Variants in AGBL2 observed in about 807,000 individuals in gnomAD.
The protein encoded by AGBL2 is AGBL carboxypeptidase 2.
A neutral mutation model predicts 103.0 loss-of-function variants in AGBL2; 87 were observed. The observed-to-expected ratio is 0.84, with a 90% CI of 0.71 to 1.01. AGBL2 has a LOEUF of 1.01. AGBL2 is among the 50% of genes least tolerant of loss of function. The pLI is 0.00. For missense variants in AGBL2, 904 were observed against 1,023.5 expected (o/e 0.88, Z 1.59); for synonymous variants, 335 against 356.7 (o/e 0.94, Z 0.69).
rs893542152 is a variant in AGBL2, at chr11:47,711,563, A to T, written c.98-1052T>A. On this transcript the variant is annotated intron_variant, in intron 3 of 18. Coordinates refer to ENST00000525123, the MANE Select transcript of AGBL2 (RefSeq NM_024783.4). ...ATGTCTCTCTCCCCATGAAGAGGGT[A>T]TTGAAACTTCAACAATCTGGAGTGC... Among the ~76,000 whole-genome samples, 10 of 152,288 alleles carry T rather than the reference A, an allele frequency of 6.6e-5. No individual in the cohort carries two copies. The South Asian group carries it at 8.3e-4, about 13-fold the overall frequency.
At position 47,693,627 on chromosome 11, in the gene AGBL2, G is replaced by A. The variant is rs561731380; in HGVS notation, c.695-1371C>T. Reference sequence around the variant, plus strand: ...ATACTGTTTTGATTACTGTATGTTCGTAGTGTTTTGAAATCAAGAAATGTG... The same window carrying A: ...ATACTGTTTTGATTACTGTATGTTCATAGTGTTTTGAAATCAAGAAATGTG... On this transcript the variant is annotated intron_variant, in intron 8 of 18. Coordinates refer to ENST00000525123, the MANE Select transcript of AGBL2 (RefSeq NM_024783.4). Among the ~76,000 whole-genome samples, 23 of 152,242 alleles carry A rather than the reference G, an allele frequency of 1.5e-4. No homozygotes were observed. The South Asian group carries it at 3.3e-3, about 22-fold the overall frequency.
chr11:47,697,736 C>T (rs905235313), intron 8 of AGBL2, among the ~76,000 whole-genome samples: 7 of 148,792 alleles, frequency 4.7e-5, no homozygotes, highest in Admixed American at 1.3e-4. Flanking sequence ...TTAGTAGACA[C>T]GGAGTTTTTC....
chr11:47,672,619 T>C (rs755238324), intron 14 of AGBL2, among the ~76,000 whole-genome samples: 1 of 152,002 alleles, frequency 6.6e-6, no homozygotes, highest in African/African-American at 2.4e-5. Flanking sequence ...CCAGCCGGCA[T>C]TTTGTTTTTG....
chr11:47,663,558 T>G (rs1379616080), intron 17 of AGBL2, among the ~76,000 whole-genome samples: 1 of 110,058 alleles, frequency 9.1e-6, no homozygotes, highest in Non-Finnish European at 2.2e-5. Context: ...TATAGTATTC[T>G]TTTTTTTTTT....
chr11:47,692,404 C>CT (rs11286504), intron 8 of AGBL2, 148 bp from the exon 9 acceptor site: 6,807 of 99,078 alleles, frequency 0.069, 56 homozygotes, highest in African/African-American at 0.094. Flanking sequence ...GACTTTTAAT[C>CT]TTTTTTTTTT....
At chr11:47,704,210 G>A (rs1461395404) in intron 7 of AGBL2, among the ~76,000 whole-genome samples, 1 of 151,910 alleles carries the variant, frequency 6.6e-6, no homozygotes, top group Non-Finnish European at 1.5e-5. Context: ...GGCCGGGCTT[G>A]GTGGCTTATG....
Position 47,704,704 on chromosome 11 carries a change from T to C in AGBL2, c.425A>G (p.His142Arg). The C allele has an allele frequency of 1.2e-6, 2 of 1,614,084 alleles. No homozygotes were observed. Among genetic ancestry groups the C allele is most frequent in the South Asian group, 2.2e-5 (2 of 91,070 alleles). The change falls in exon 7 of 19, where the codon CAT becomes CGT. Residue 142 changes from histidine (H) to arginine (R), a missense_variant. Transcript: ENST00000525123. ...ATAAAGAAGCTGTCTGCTCCTAAGA[T>C]GTGGTAAACTCAGCATATGTGAATC... ...ITDSHMLSLP[H>R]LRSRQLLYDE...
At chr11:47,665,075 AAGAC>A (rs1328516874) in intron 17 of AGBL2, among the ~76,000 whole-genome samples, 5 of 148,714 alleles carry the variant, frequency 3.4e-5, no homozygotes, top group Non-Finnish European at 7.4e-5. Context: ...TTTTTTTTCT[AAGAC>A]AGAGTCTTGC....
intron 8 of AGBL2, among the ~76,000 whole-genome samples, chr11:47,698,183 T>C (rs1010799713): frequency 1.0e-4 from 15 of 147,446 alleles, no homozygotes; most frequent in African/African-American, 3.8e-4. Context: ...TTTTTTTTTT[T>C]TTTTTTTGAG....
intron 17 of AGBL2, among the ~76,000 whole-genome samples, chr11:47,666,301 C>G (rs185140428): frequency 3.4e-3 from 509 of 150,106 alleles, no homozygotes; most frequent in Non-Finnish European, 5.2e-3. Flanking sequence ...GGCTGAGACC[C>G]GAGAATCACT....
intron 14 of AGBL2, among the ~76,000 whole-genome samples, chr11:47,669,915 A>G (rs1248923771): frequency 1.3e-5 from 2 of 152,166 alleles, no homozygotes; most frequent in Non-Finnish European, 2.9e-5. Flanking sequence ...CCGGTACCCA[A>G]AAAAGAATTC....
At position 47,690,085 on chromosome 11, in the gene AGBL2, A is replaced by G; in HGVS notation, c.1622T>C (p.Met541Thr). Residue 541 changes from methionine to threonine, a missense_variant, in exon 10 of 19, where the codon ATG (methionine) becomes ACG (threonine). Coordinates refer to ENST00000525123, the MANE Select transcript of AGBL2 (RefSeq NM_024783.4). ...AGATAAAAAGTCTCACCTTTTGATC[A>G]TGTTCCTGGTGTACCAAATACAAGG... ...SFPCIWYTRN[M>T]IKRLLEEREV... 6.2e-7 allele frequency: 1 copy of G among 1,602,638 alleles called. No individual in the cohort carries two copies. Among genetic ancestry groups the G allele is most frequent in the South Asian group, 1.1e-5 (1 of 89,042 alleles).
rs554559639 is a variant in AGBL2, at chr11:47,707,313, A to G, written c.233-1396T>C. Among the ~76,000 whole-genome samples the G allele has an allele frequency of 1.1e-3, 166 of 152,334 alleles. 3 individuals carry two copies. In the South Asian group the frequency reaches 0.033, roughly 31 times the overall value. On this transcript the variant is annotated intron_variant, in intron 4 of 18. Transcript: ENST00000525123. ...CCCAGCTGTGTTAGTCCATTTTCAC[A>G]CTGCTGAAAAAGACATACCTGAGAC...
intron 13 of AGBL2, among the ~76,000 whole-genome samples, chr11:47,678,997 T>A (rs1006780771): frequency 1.5e-5 from 2 of 129,496 alleles, no homozygotes; most frequent in East Asian, 4.4e-4. Context: ...AGGTGGAGAT[T>A]GCAGTGAGCC....
intron 18 of AGBL2, among the ~76,000 whole-genome samples, chr11:47,662,426 C>T (rs1024749486): frequency 6.7e-6 from 1 of 150,038 alleles, no homozygotes; most frequent in African/African-American, 2.5e-5. Flanking sequence ...GTGATCCACT[C>T]GCCTCAGCCT....
intron 8 of AGBL2, among the ~76,000 whole-genome samples, chr11:47,692,506 G>C (rs1020114299): frequency 7.1e-6 from 1 of 140,612 alleles, no homozygotes; most frequent in East Asian, 2.2e-4. Flanking sequence ...CCGCCTCCCA[G>C]GTTCATGCCA....
intron 13 of AGBL2, among the ~76,000 whole-genome samples, chr11:47,678,893 A>C (rs2097389272): frequency 6.7e-6 from 1 of 150,216 alleles, no homozygotes; most frequent in South Asian, 2.1e-4. Context: ...CCCCATCTGT[A>C]CTAAAAAATA....
rs2097498361 is a variant in AGBL2 at position 47,701,340 on chromosome 11, G to A, written c.587-1787C>T. Among the ~76,000 whole-genome samples, 2 of 151,622 alleles carry A rather than the reference G, an allele frequency of 1.3e-5. 1 individual carries two copies. The highest frequency in any genetic ancestry group is 4.2e-4 in the South Asian group (2 of 4,802). ...TAAAAAATTAGCCAGGCGTGGTGGTGCACACCTGTAATCCCAGCTACTCAG... is the reference window on the plus strand; with the variant it reads ...TAAAAAATTAGCCAGGCGTGGTGGTACACACCTGTAATCCCAGCTACTCAG... On this transcript the variant is annotated intron_variant, in intron 7 of 18. Transcript: ENST00000525123.
chr11:47,708,197 A>G (rs2097526908), intron 4 of AGBL2, among the ~76,000 whole-genome samples: 1 of 151,866 alleles, frequency 6.6e-6, no homozygotes, highest in Admixed American at 6.6e-5. Flanking sequence ...CCTCCTGAGT[A>G]GCTGGGATTA....
Sources: gnomAD v4.1 joint callset for allele counts (sites outside exome capture counted in the v4.1 genomes callset) on GRCh38, gnomAD v4.1.1 for gene constraint, MANE v1.5 for transcripts, NCBI Gene and HGNC (gene_info 2026-07-23, HGNC 2026-07-21) for gene names.